Variants in GFRA2 observed in about 807,000 individuals in gnomAD.
GFRA2 encodes GDNF family receptor alpha 2.
In GFRA2, 17 loss-of-function variants were observed where a neutral mutation model predicts 48.3. The ratio of observed to expected loss-of-function variants is 0.35; its 90% confidence interval spans 0.24 to 0.53. The LOEUF (loss-of-function observed/expected upper bound fraction) is 0.53, where lower values mean the gene tolerates loss of function less well. GFRA2 is among the 20% of genes least tolerant of loss of function. The pLI is 0.93. For missense variants in GFRA2, 660 were observed against 637.3 expected (o/e 1.04, Z -0.38); for synonymous variants, 305 against 257.2 (o/e 1.19, Z -1.78).
intron 3 of GFRA2, 108 bp from the exon 4 acceptor site, chr8:21,751,050 CT>C: frequency 2.6e-6 from 2 of 756,760 alleles, no homozygotes; most frequent in South Asian, 1.8e-5. Context: ...TTCCATGTGC[CT>C]GCTCTGTGCC....
At chr8:21,800,795 G>A (rs1807756664) in intron 2 of GFRA2, among the ~76,000 whole-genome samples, 2 of 152,088 alleles carry the variant, frequency 1.3e-5, no homozygotes, top group Non-Finnish European at 2.9e-5. Context: ...GCGTGGTGTT[G>A]TACACCAGTA....
intron 3 of GFRA2, among the ~76,000 whole-genome samples, chr8:21,764,471 GA>G (rs1356950617): frequency 2.6e-5 from 4 of 152,218 alleles, no homozygotes; most frequent in Non-Finnish European, 5.9e-5. Flanking sequence ...CAAATATTGA[GA>G]CCATAGCACC....
intron 4 of GFRA2, among the ~76,000 whole-genome samples, chr8:21,712,746 T>G (rs1803118857): frequency 2.0e-5 from 3 of 152,242 alleles, no homozygotes; most frequent in African/African-American, 7.2e-5. Context: ...AGACTCCGTC[T>G]GCAATCACGG....
intron 4 of GFRA2, among the ~76,000 whole-genome samples, chr8:21,744,391 G>T (rs1457465298): frequency 6.6e-6 from 1 of 152,122 alleles, no homozygotes; most frequent in Non-Finnish European, 1.5e-5. Flanking sequence ...TTAAATTACA[G>T]CCCAGGAGAT....
chr8:21,702,898 G>T lies in GFRA2; in HGVS notation c.1125C>A (p.Ala375=). Residue 375 remains alanine (A), a synonymous_variant, in exon 7 of 9, where the codon GCC becomes GCA. Transcript: ENST00000524240. ...AAGAAGGCGTCTTCTCCACCCGAGGGGCCTGGGTGGCCTGGAACGAGGGGC... is the reference window on the plus strand; with the variant it reads ...AAGAAGGCGTCTTCTCCACCCGAGGTGCCTGGGTGGCCTGGAACGAGGGGC... ...PKGPSFQATQ[A]PRVEKTPSLP... is the part of the protein sequence containing the mutation. The T allele has an allele frequency of 1.9e-6, 3 of 1,597,046 alleles. No individual in the cohort carries two copies. Among genetic ancestry groups the T allele is most frequent in the East Asian group, 4.5e-5 (2 of 44,146 alleles).
intron 4 of GFRA2, among the ~76,000 whole-genome samples, chr8:21,732,076 C>G (rs536858028): frequency 3.3e-5 from 5 of 152,208 alleles, no homozygotes; most frequent in Non-Finnish European, 7.3e-5. Context: ...AATGCAGGGG[C>G]GAGTGAACAT....
intron 2 of GFRA2, among the ~76,000 whole-genome samples, chr8:21,776,164 C>T (rs1806696873): frequency 6.6e-6 from 1 of 152,064 alleles, no homozygotes; most frequent in Non-Finnish European, 1.5e-5. Context: ...TTACCTGCAG[C>T]AAGGTATCAT....
chr8:21,769,504 T>A (rs1806344693), intron 3 of GFRA2, among the ~76,000 whole-genome samples: 1 of 152,132 alleles, frequency 6.6e-6, no homozygotes, highest in Non-Finnish European at 1.5e-5. Context: ...CTGCTCCACC[T>A]TACAGATAAG....
intron 2 of GFRA2, among the ~76,000 whole-genome samples, chr8:21,801,676 G>A (rs953586689): frequency 1.3e-5 from 2 of 151,944 alleles, no homozygotes; most frequent in Admixed American, 6.5e-5. Context: ...AAGGAAGTGG[G>A]TTTTTAGAGA....
chr8:21,740,383 C>T lies in GFRA2; in HGVS notation c.794+10205G>A, dbSNP rs542428764. ...CAACTGGCCAACATTTCTCTAGCCCCGATCAGGTTTCCGTAATCACCAATC... is the reference window on the plus strand; with the variant it reads ...CAACTGGCCAACATTTCTCTAGCCCTGATCAGGTTTCCGTAATCACCAATC... On this transcript the variant is annotated intron_variant, in intron 4 of 8. Coordinates refer to ENST00000524240, the MANE Select transcript of GFRA2 (RefSeq NM_001495.5). 1.3e-4 allele frequency among the ~76,000 whole-genome samples: 20 copies of T among 152,296 alleles called. No individual in the cohort carries two copies. In the East Asian group the frequency reaches 1.7e-3, roughly 13 times the overall value.
At chr8:21,783,354 G>A (rs1178834191) in intron 1 of GFRA2, among the ~76,000 whole-genome samples, 3 of 152,226 alleles carry the variant, frequency 2.0e-5, no homozygotes, top group East Asian at 3.9e-4. Flanking sequence ...CCATGGCGCT[G>A]CACTAAACCT....
At position 21,706,014 on chromosome 8, in the gene GFRA2, A is replaced by G. The variant is rs1224659680; in HGVS notation, c.822T>C (p.Asn274=). The stretch of plus-strand genomic sequence containing the variant: ...TGACCGTCTGGTAGGAGGCTCGACA[A>G]TTGGCATGGAAGTCGGCCAGCCGGG... ...CRSRLADFHA[N]CRASYQTVTS... The change falls in exon 5 of 9, where the codon AAT becomes AAC. Residue 274 remains asparagine (N), a synonymous_variant. Coordinates refer to ENST00000524240, the MANE Select transcript of GFRA2 (RefSeq NM_001495.5). 1 of 1,577,488 alleles carries G rather than the reference A, an allele frequency of 6.3e-7. No homozygotes were observed. Among genetic ancestry groups the G allele is most frequent in the South Asian group, 1.2e-5 (1 of 85,686 alleles).
upstream of GFRA2, among the ~76,000 whole-genome samples, chr8:21,793,464 C>A (rs570320369): frequency 5.8e-4 from 88 of 152,208 alleles, no homozygotes; most frequent in Admixed American, 9.8e-4. Flanking sequence ...CAGGCCAAGA[C>A]AAAGTGACCA....
At chr8:21,735,622 A>C (rs1340017780) in intron 4 of GFRA2, among the ~76,000 whole-genome samples, 1 of 152,198 alleles carries the variant, frequency 6.6e-6, no homozygotes, top group African/African-American at 2.4e-5. Flanking sequence ...CATAAGCCCA[A>C]ATGAAAGAAA....
At chr8:21,805,624 G>A (rs761342215) in intron 1 of GFRA2, among the ~76,000 whole-genome samples, 25 of 152,144 alleles carry the variant, frequency 1.6e-4, no homozygotes, top group Non-Finnish European at 7.3e-5. Flanking sequence ...TACATGAGCA[G>A]TCAAACTAGG....
chr8:21,791,708 G>A (rs746364918), upstream of GFRA2, among the ~76,000 whole-genome samples: 49 of 152,238 alleles, frequency 3.2e-4, no homozygotes, highest in Non-Finnish European at 5.9e-4. Context: ...TACACAAAGC[G>A]GCTAGTACAA....
chr8:21,768,666 G>A (rs1806296889), intron 3 of GFRA2, among the ~76,000 whole-genome samples: 2 of 152,076 alleles, frequency 1.3e-5, no homozygotes, highest in African/African-American at 4.8e-5. Flanking sequence ...TCCTCCCACA[G>A]CCCCCACCAA....
intron 3 of GFRA2, among the ~76,000 whole-genome samples, chr8:21,764,966 G>A (rs1585315851): frequency 6.6e-6 from 1 of 152,192 alleles, no homozygotes; most frequent in East Asian, 1.9e-4. Flanking sequence ...CACCCTCCAA[G>A]AAGAATATTC....
At chr8:21,704,167 C>G (rs1355187696) in intron 6 of GFRA2, among the ~76,000 whole-genome samples, 1 of 152,250 alleles carries the variant, frequency 6.6e-6, no homozygotes, top group African/African-American at 2.4e-5. Flanking sequence ...CCCAGGACCT[C>G]TGCCCAGGGT....
Sources: allele counts gnomAD v4.1 joint callset (sites outside exome capture counted in the v4.1 genomes callset), GRCh38; gene constraint gnomAD v4.1.1; transcripts MANE v1.5; gene names NCBI Gene and HGNC (gene_info 2026-07-23, HGNC 2026-07-21).